Variants in KCNMA1 observed in about 807,000 individuals in gnomAD.
The protein encoded by KCNMA1 is Calcium-activated potassium channel subunit alpha-1.
Under a neutral mutation model 140.0 loss-of-function variants are expected in KCNMA1, and 29 were observed. That is an observed-to-expected ratio of 0.21 (90% CI 0.15 to 0.28). KCNMA1 has a LOEUF of 0.28. KCNMA1 is among the 10% of genes least tolerant of loss of function. The pLI, the probability that KCNMA1 is intolerant of heterozygous loss-of-function variation, is 1.00. For missense variants in KCNMA1, 880 were observed against 1,602.2 expected (o/e 0.55, Z 7.70); for synonymous variants, 612 against 611.9 (o/e 1.00, Z 0.00).
chr10:76,998,963 C>T (rs1489893766), intron 19 of KCNMA1, among the ~76,000 whole-genome samples: 3 of 152,158 alleles, frequency 2.0e-5, no homozygotes, highest in African/African-American at 4.8e-5. Flanking sequence ...GGAGTGATGA[C>T]GGCAGGACGA....
intron 2 of KCNMA1, among the ~76,000 whole-genome samples, chr10:77,269,340 G>A (rs187431850): frequency 1.3e-5 from 2 of 152,294 alleles, no homozygotes; most frequent in East Asian, 3.9e-4. Flanking sequence ...GGTTACAAGT[G>A]CATTTCCAAA....
intron 1 of KCNMA1, among the ~76,000 whole-genome samples, chr10:77,494,898 C>A (rs2041294163): frequency 6.6e-6 from 1 of 152,186 alleles, no homozygotes; most frequent in African/African-American, 2.4e-5. Flanking sequence ...AGATTCATCA[C>A]CGCAATCTCT....
At chr10:77,499,304 C>A (rs976995101) in intron 1 of KCNMA1, among the ~76,000 whole-genome samples, 6 of 151,648 alleles carry the variant, frequency 4.0e-5, no homozygotes, top group African/African-American at 1.5e-4. Flanking sequence ...GACAGGCAGC[C>A]AATTCAGAAT....
intron 5 of KCNMA1, among the ~76,000 whole-genome samples, chr10:77,138,446 G>A (rs1375293599): frequency 6.6e-6 from 1 of 152,024 alleles, no homozygotes; most frequent in Non-Finnish European, 1.5e-5. Flanking sequence ...TTAAATATAT[G>A]TGAAATAACT....
At chr10:77,130,952 G>A (rs2097846614) in intron 5 of KCNMA1, among the ~76,000 whole-genome samples, 1 of 152,076 alleles carries the variant, frequency 6.6e-6, no homozygotes, top group Non-Finnish European at 1.5e-5. Context: ...TAAAGACTGA[G>A]GTTGATGGGG....
chr10:77,327,000 T>C (rs2084458232), intron 2 of KCNMA1, among the ~76,000 whole-genome samples: 1 of 151,936 alleles, frequency 6.6e-6, no homozygotes, highest in Non-Finnish European at 1.5e-5. Context: ...CATGGGGAAA[T>C]GGAAGAAATT....
At chr10:77,554,647 G>A (rs887953075) in intron 1 of KCNMA1, among the ~76,000 whole-genome samples, 24 of 146,326 alleles carry the variant, frequency 1.6e-4, no homozygotes, top group African/African-American at 5.5e-4. Context: ...GAAAGAAAGA[G>A]AAAGAGAAAA....
intron 19 of KCNMA1, among the ~76,000 whole-genome samples, chr10:76,988,513 AG>A (rs1361277554): frequency 6.6e-6 from 1 of 152,162 alleles, no homozygotes; most frequent in East Asian, 1.9e-4. Context: ...GGGTGACAGA[AG>A]GAGGTCCCAT....
intron 1 of KCNMA1, among the ~76,000 whole-genome samples, chr10:77,597,013 G>C (rs2081142808): frequency 6.6e-6 from 1 of 152,164 alleles, no homozygotes; most frequent in African/African-American, 2.4e-5. Flanking sequence ...CCTTTCTGGA[G>C]CGAAATCTAA....
At chr10:77,272,676 T>C (rs1179138500) in intron 2 of KCNMA1, among the ~76,000 whole-genome samples, 1 of 152,174 alleles carries the variant, frequency 6.6e-6, no homozygotes, top group African/African-American at 2.4e-5. Flanking sequence ...ATGTGTATTA[T>C]GTTTCTCATC....
At position 76,953,837 on chromosome 10, in the gene KCNMA1, G is replaced by A. The variant is rs1205555642; in HGVS notation, c.2448C>T (p.His816=). ...VKKYDSTGMF[H]WCAPKEIEKV... The stretch of plus-strand genomic sequence containing the variant: ...TCTCTATCTCCTTGGGTGCACACCA[G>A]TGAAACATCCCAGTAGAGTCGTACT... Residue 816 remains histidine, a synonymous_variant, in exon 21 of 28, where the codon CAC becomes CAT. Transcript: ENST00000286628. The A allele has an allele frequency of 6.2e-7, 1 of 1,614,094 alleles. No individual in the cohort carries two copies. The highest frequency in any genetic ancestry group is 1.1e-5 in the South Asian group (1 of 91,074).
chr10:76,996,686 G>A (rs2084473325), intron 19 of KCNMA1, among the ~76,000 whole-genome samples: 1 of 152,074 alleles, frequency 6.6e-6, no homozygotes, highest in South Asian at 2.1e-4. Flanking sequence ...CAGACGAACA[G>A]GCTTTAAAAC....
At chr10:77,552,356 C>T (rs816868) in intron 1 of KCNMA1, among the ~76,000 whole-genome samples, 93,099 of 152,026 alleles carry the variant, frequency 0.61, 29,423 homozygotes, top group East Asian at 0.8. Context: ...GATAAGATTA[C>T]TTCATCCTCT....
intron 1 of KCNMA1, among the ~76,000 whole-genome samples, chr10:77,521,056 G>A (rs151154193): frequency 9.2e-5 from 14 of 152,330 alleles, no homozygotes; most frequent in African/African-American, 3.4e-4. Flanking sequence ...CAACTGCTAC[G>A]ACGTGTCAGC....
chr10:77,185,419 T>C (rs1168091286), intron 3 of KCNMA1, among the ~76,000 whole-genome samples: 4 of 152,020 alleles, frequency 2.6e-5, no homozygotes, highest in African/African-American at 9.7e-5. Flanking sequence ...AGTTGATTAA[T>C]AAATTCAGGA....
chr10:77,469,285 C>A (rs1291177105), intron 1 of KCNMA1, among the ~76,000 whole-genome samples: 1 of 152,162 alleles, frequency 6.6e-6, no homozygotes, highest in Non-Finnish European at 1.5e-5. Context: ...AAATTAGAAG[C>A]CTCTCCTTCC....
intron 14 of KCNMA1, among the ~76,000 whole-genome samples, chr10:77,057,118 T>C (rs906331777): frequency 6.6e-6 from 1 of 152,054 alleles, no homozygotes; most frequent in Non-Finnish European, 1.5e-5. Context: ...GAATAATGCC[T>C]AGACACATTG....
chr10:77,591,464 G>A (rs961173587), intron 1 of KCNMA1, among the ~76,000 whole-genome samples: 2 of 152,076 alleles, frequency 1.3e-5, no homozygotes, highest in East Asian at 3.9e-4. Context: ...ATAGGGTTGC[G>A]AGACCAGCAT....
chr10:77,282,708 C>T (rs1326192813), intron 2 of KCNMA1, among the ~76,000 whole-genome samples: 1 of 120,970 alleles, frequency 8.3e-6, no homozygotes, highest in Non-Finnish European at 1.9e-5. Flanking sequence ...TCTGCAACAA[C>T]AAAGAGATAG....
Sources: allele counts gnomAD v4.1 joint callset (sites outside exome capture counted in the v4.1 genomes callset), GRCh38; gene constraint gnomAD v4.1.1; transcripts MANE v1.5; gene names NCBI Gene and HGNC (gene_info 2026-07-23, HGNC 2026-07-21).